Variants in ZBTB40 observed in about 807,000 individuals in gnomAD.
ZBTB40 encodes zinc finger and BTB domain containing 40.
In ZBTB40, 60 loss-of-function variants were observed where a neutral mutation model predicts 117.5. The observed-to-expected ratio is 0.51, with a 90% CI of 0.41 to 0.63. The LOEUF (loss-of-function observed/expected upper bound fraction) is 0.63. Among genes scored for constraint, ZBTB40 ranks in the 30% least tolerant of loss-of-function variants. ZBTB40 has a pLI of 0.00. For synonymous variants in ZBTB40, 525 were observed against 577.1 expected (o/e 0.91, Z 1.29); for missense variants, 1,287 against 1,498.5 (o/e 0.86, Z 2.33).
At position 22,494,392 on chromosome 1, in the gene ZBTB40, G is replaced by A. The variant is rs138387915; in HGVS notation, c.831+2859G>A. ...GTACTGCAGGGGTAGTGTCTAGTAC[G>A]TAGCAATCAGTCTCTAGCAATGTAT... On this transcript the variant is annotated intron_variant, in intron 3 of 17. Transcript: ENST00000375647. Among the ~76,000 whole-genome samples the A allele has an allele frequency of 4.5e-4, 69 of 152,314 alleles. No homozygotes were observed. The East Asian group carries it at 0.011, about 24-fold the overall frequency.
chr1:22,473,483 C>T (rs1230752416), intron 1 of ZBTB40, among the ~76,000 whole-genome samples: 1 of 152,070 alleles, frequency 6.6e-6, no homozygotes, highest in African/African-American at 2.4e-5. Context: ...GGAGAAAGAG[C>T]TTAGAAACAT....
chr1:22,430,445 G>T (rs1003990415), intron 1 of ZBTB40, among the ~76,000 whole-genome samples: 1 of 152,106 alleles, frequency 6.6e-6, no homozygotes, highest in African/African-American at 2.4e-5. Context: ...TTAAAAATTA[G>T]CTGGCTGTGG....
In ZBTB40 at chr1:22,433,440, A is replaced by AAAAAAAAAAAAAAAAAAG; in HGVS notation, c.-70+4428_-70+4445dup. On this transcript the variant is annotated intron_variant, in intron 1 of 8. Transcript: ENST00000650433. The stretch of plus-strand genomic sequence containing the variant: ...AGAGCAAGACGCCCTCTCAAAAAAA[A>AAAAAAAAAAAAAAAAAAG]AAAAAAAAAAAAAAAAAGACAGCTA... Among the ~76,000 whole-genome samples, 2 of 139,750 alleles carry AAAAAAAAAAAAAAAAAAG rather than the reference A, an allele frequency of 1.4e-5. 1 individual carries two copies. Among genetic ancestry groups the AAAAAAAAAAAAAAAAAAG allele is most frequent in the Non-Finnish European group, 3.1e-5 (2 of 63,518 alleles). The allele number at this position is 139,750 out of a possible 152,430, so 91.7% of individuals were successfully genotyped here.
intron 1 of ZBTB40, among the ~76,000 whole-genome samples, chr1:22,429,812 G>A (rs866323228): frequency 2.0e-5 from 3 of 152,244 alleles, no homozygotes; most frequent in African/African-American, 7.2e-5. Flanking sequence ...GACCAACATG[G>A]TGAAGCCCCA....
chr1:22,458,148 A>G (rs1033121064), intron 1 of ZBTB40, among the ~76,000 whole-genome samples: 2 of 152,206 alleles, frequency 1.3e-5, no homozygotes, highest in Non-Finnish European at 2.9e-5. Context: ...CTTGTCCTGG[A>G]TTATGAAACA....
chr1:22,439,199 T>C (rs1489950725), intron 1 of ZBTB40, among the ~76,000 whole-genome samples: 4 of 152,216 alleles, frequency 2.6e-5, no homozygotes, highest in African/African-American at 7.2e-5. Context: ...TTGGGACTTA[T>C]TTTTGTTGTT....
Position 22,517,423 on chromosome 1 carries a change from G to A in ZBTB40, c.2792G>A (p.Arg931Gln), listed in dbSNP as rs1304885704. The change falls in exon 13 of 18, where the codon CGG (arginine) becomes CAG (glutamine). Residue 931 changes from arginine (R) to glutamine (Q), a missense_variant. This residue lies in a region of ZBTB40 where 417 missense variants were observed against 564.1 expected (regional missense o/e 0.74). Coordinates refer to ENST00000375647, the MANE Select transcript of ZBTB40 (RefSeq NM_014870.4). Reference sequence around the variant, plus strand: ...TGCAGAGACTGTGGCAAGGGCTTCCGGCAAGCCAATGGCCTCTCCATCCAT... The same window carrying A: ...TGCAGAGACTGTGGCAAGGGCTTCCAGCAAGCCAATGGCCTCTCCATCCAT... ...YVCRDCGKGF[R>Q]QANGLSIHLH... 1.9e-6 allele frequency: 3 copies of A among 1,613,978 alleles called. No homozygotes were observed. Among genetic ancestry groups the A allele is most frequent in the Non-Finnish European group, 2.5e-6 (3 of 1,180,030 alleles).
chr1:22,475,675 C>G (rs1013952147), intron 1 of ZBTB40, among the ~76,000 whole-genome samples: 6 of 152,082 alleles, frequency 3.9e-5, no homozygotes, highest in Non-Finnish European at 8.8e-5. Flanking sequence ...CTCTTCTTGA[C>G]TCTTGTGGAT....
intron 1 of ZBTB40, among the ~76,000 whole-genome samples, chr1:22,484,151 A>T (rs1638403112): frequency 2.0e-5 from 3 of 152,190 alleles, no homozygotes; most frequent in Non-Finnish European, 2.9e-5. Flanking sequence ...TCATTATTGT[A>T]GCTTTAAAAT....
At chr1:22,435,681 A>G (rs1401191175) in intron 1 of ZBTB40, among the ~76,000 whole-genome samples, 1 of 152,146 alleles carries the variant, frequency 6.6e-6, no homozygotes, top group East Asian at 1.9e-4. Flanking sequence ...TGTGACAATA[A>G]TTTTCTTCCT....
intron 1 of ZBTB40, among the ~76,000 whole-genome samples, chr1:22,436,760 C>T (rs568896307): frequency 2.6e-5 from 4 of 152,132 alleles, no homozygotes; most frequent in African/African-American, 4.8e-5. Flanking sequence ...TATATAATTT[C>T]GCTGATATGA....
rs375273094 is a variant in ZBTB40, at chr1:22,444,155, G to A, written c.-70+15141G>A. Among the ~76,000 whole-genome samples, 12 of 152,324 alleles carry A rather than the reference G, an allele frequency of 7.9e-5. No homozygotes were observed. In the East Asian group the frequency reaches 2.1e-3, roughly 27 times the overall value. On this transcript the variant is annotated intron_variant, in intron 1 of 8. Coordinates refer to the ZBTB40 transcript ENST00000650433. ...TCGCTGGGTGCGGTGGCTCATGCCT[G>A]TAATCCCAGCACTTTGGGAGGCCAC...
Position 22,512,971 on chromosome 1 carries a change from T to A in ZBTB40, c.2509T>A (p.Ser837Thr). 6.2e-7 allele frequency: 1 copy of A among 1,614,210 alleles called. No homozygotes were observed. The highest frequency in any genetic ancestry group is 8.5e-7 in the Non-Finnish European group (1 of 1,180,038). Residue 837 changes from serine to threonine, a missense_variant, in exon 12 of 18, where the codon TCC (serine) becomes ACC (threonine). Ser to Thr is a moderately conservative substitution (Grantham distance 58). Coordinates refer to ENST00000375647, the MANE Select transcript of ZBTB40 (RefSeq NM_014870.4). Reference protein sequence around the residue: ...LTEHFDEKPFSCEECGAKFAA... With the variant: ...LTEHFDEKPFTCEECGAKFAA... Reference sequence around the variant, plus strand: ...AGAGCACTTCGATGAGAAGCCTTTCTCCTGTGAAGAGTGTGGGGCGAAGTT... The same window carrying A: ...AGAGCACTTCGATGAGAAGCCTTTCACCTGTGAAGAGTGTGGGGCGAAGTT...
At chr1:22,430,829 G>T (rs1640570937) in intron 1 of ZBTB40, among the ~76,000 whole-genome samples, 1 of 152,000 alleles carries the variant, frequency 6.6e-6, no homozygotes, top group Non-Finnish European at 1.5e-5. Context: ...ATAGTTTTTA[G>T]TTTTCAGACA....
intron 1 of ZBTB40, among the ~76,000 whole-genome samples, chr1:22,430,559 C>G (rs1640565938): frequency 6.6e-6 from 1 of 152,186 alleles, no homozygotes; most frequent in Non-Finnish European, 1.5e-5. Context: ...GCAGCCTCAA[C>G]CTCCCTGGCT....
chr1:22,455,230 A>T (rs1413565915), intron 1 of ZBTB40, among the ~76,000 whole-genome samples: 1 of 152,138 alleles, frequency 6.6e-6, no homozygotes, highest in Admixed American at 6.6e-5. Context: ...CGATTTAAAA[A>T]TTTGTTTGTG....
Position 22,508,640 on chromosome 1 carries a change from G to C in ZBTB40, c.1608G>C (p.Leu536=), listed in dbSNP as rs1481852006. ...TLSATAIWQL[L]LVVQETKTCP... is the part of the protein sequence containing the mutation. ...CTGCCACAGCCATTTGGCAACTGCTGCTGGTGGTTCAGGAGACAAAGACCT... is the reference window on the plus strand; with the variant it reads ...CTGCCACAGCCATTTGGCAACTGCTCCTGGTGGTTCAGGAGACAAAGACCT... Residue 536 remains leucine, a synonymous_variant, in exon 8 of 18, where the codon CTG becomes CTC. Transcript: ENST00000375647. 1 of 1,614,200 alleles carries C rather than the reference G, an allele frequency of 6.2e-7. No homozygotes were observed. The highest frequency in any genetic ancestry group is 1.7e-5 in the Admixed American group (1 of 60,026).
rs1407807734 is a variant in ZBTB40, at chr1:22,490,424, C to T, written c.476C>T (p.Ser159Phe). ...TCTGAAGGTGCTGGAGAGCCTCATT[C>T]TTCCCCAGAGCTTGCTGCCACTCCA... ...LSSEGAGEPH[S>F]SPELAATPGG... The change falls in exon 2 of 18, where the codon TCT becomes TTT. Residue 159 changes from serine (S) to phenylalanine (F), a missense_variant. Coordinates refer to ENST00000375647, the MANE Select transcript of ZBTB40 (RefSeq NM_014870.4). The T allele has an allele frequency of 1.2e-6, 2 of 1,609,700 alleles. No individual in the cohort carries two copies. Among genetic ancestry groups the T allele is most frequent in the Non-Finnish European group, 1.7e-6 (2 of 1,177,028 alleles).
At chr1:22,495,546 C>G (rs1199404622) in intron 3 of ZBTB40, among the ~76,000 whole-genome samples, 4 of 151,932 alleles carry the variant, frequency 2.6e-5, no homozygotes, top group African/African-American at 9.7e-5. Flanking sequence ...GAATCTTGCT[C>G]TGTTGCCCAG....
Sources: gnomAD v4.1 joint callset for allele counts (sites outside exome capture counted in the v4.1 genomes callset) on GRCh38, gnomAD v4.1.1 for gene constraint, gnomAD v4.1.1 regional missense constraint, MANE v1.5 for transcripts, NCBI Gene and HGNC (gene_info 2026-07-23, HGNC 2026-07-21) for gene names.